SMYD3: variants seen among roughly 807,000 people sequenced by gnomAD.
The protein encoded by SMYD3 is SET and MYND domain containing 3.
A neutral mutation model predicts 57.7 loss-of-function variants in SMYD3; 36 were observed. That is an observed-to-expected ratio of 0.62 (90% CI 0.48 to 0.82). The LOEUF is 0.82. Ranked by LOEUF, SMYD3 falls within the 40% of genes least tolerant of loss-of-function variation. SMYD3 has a pLI of 0.00. For missense variants in SMYD3, 515 were observed against 538.8 expected (o/e 0.96, Z 0.44); for synonymous variants, 211 against 195.0 (o/e 1.08, Z -0.68).
At chr1:246,345,636 G>T (rs1209932078) in intron 2 of SMYD3, among the ~76,000 whole-genome samples, 2 of 152,150 alleles carry the variant, frequency 1.3e-5, no homozygotes, top group Admixed American at 1.3e-4. Flanking sequence ...TGCTCAACTT[G>T]TATTATGATG....
At chr1:245,980,158 CGG>C (rs1558554804) in intron 5 of SMYD3, among the ~76,000 whole-genome samples, 1 of 152,214 alleles carries the variant, frequency 6.6e-6, no homozygotes, top group African/African-American at 2.4e-5. Context: ...GCAACCCAAG[CGG>C]CATGATCTCT....
intron 10 of SMYD3, among the ~76,000 whole-genome samples, chr1:245,766,348 C>T (rs939494167): frequency 1.4e-4 from 21 of 145,050 alleles, no homozygotes; most frequent in African/African-American, 5.2e-4. Flanking sequence ...TGCAGTGAGC[C>T]GAGATTGCAG....
intron 8 of SMYD3, among the ~76,000 whole-genome samples, chr1:245,875,873 C>T (rs1291497530): frequency 6.6e-6 from 1 of 152,188 alleles, no homozygotes; most frequent in Non-Finnish European, 1.5e-5. Context: ...AACTAAAATA[C>T]GCAAGGATTT....
In SMYD3 at chr1:245,822,087, C is replaced by T. The variant is rs538493821; in HGVS notation, c.1076+36409G>A. On this transcript the variant is annotated intron_variant, in intron 10 of 11. Transcript: ENST00000490107. ...ATTATAAATCATGCTGCTATAAAGA[C>T]ACATGCACACGTATGTTTATTGCGG... is the stretch of plus-strand genomic sequence containing the variant. 7.4e-3 allele frequency among the ~76,000 whole-genome samples: 1,128 copies of T among 152,210 alleles called. 8 individuals are homozygous for T. Among genetic ancestry groups the T allele is most frequent in the African/African-American group, 0.025 (1,056 of 41,506 alleles).
chr1:246,056,515 G>A (rs912934474), intron 5 of SMYD3, among the ~76,000 whole-genome samples: 8 of 151,158 alleles, frequency 5.3e-5, no homozygotes, highest in East Asian at 1.9e-4. Context: ...TGTAACCACC[G>A]TGTTTCTAAG....
At chr1:246,317,376 CCAGCTT>C (rs2065179429) in intron 5 of SMYD3, among the ~76,000 whole-genome samples, 1 of 152,260 alleles carries the variant, frequency 6.6e-6, no homozygotes, top group Non-Finnish European at 1.5e-5. Context: ...AAAAAACCTT[CCAGCTT>C]ACAAATGTTA....
chr1:246,116,595 T>C (rs532714569), intron 5 of SMYD3, among the ~76,000 whole-genome samples: 97 of 152,302 alleles, frequency 6.4e-4, no homozygotes, highest in South Asian at 1.0e-3. Flanking sequence ...AAACACCTGA[T>C]AGGTTTTCAG....
intron 10 of SMYD3, among the ~76,000 whole-genome samples, chr1:245,823,343 G>A (rs977373237): frequency 4.7e-5 from 4 of 85,360 alleles, no homozygotes; most frequent in African/African-American, 1.1e-4. Flanking sequence ...GCGCGCTCGT[G>A]CTTGCTCGCT....
chr1:246,294,092 T>A (rs1319683455), intron 5 of SMYD3, among the ~76,000 whole-genome samples: 1 of 152,150 alleles, frequency 6.6e-6, no homozygotes, highest in Non-Finnish European at 1.5e-5. Context: ...CCTTAAATGT[T>A]CCTGTTCCAA....
intron 1 of SMYD3, among the ~76,000 whole-genome samples, chr1:246,503,954 TAAAAAAAAAAA>T (rs55709330): frequency 7.8e-6 from 1 of 128,388 alleles, no homozygotes; most frequent in African/African-American, 3.0e-5. Context: ...AACTCCATCT[TAAAAAAAAAAA>T]AAAAAAAAAA....
intron 5 of SMYD3, among the ~76,000 whole-genome samples, chr1:246,047,892 AGATACCCACGACAG>A (rs2059997803): frequency 1.3e-5 from 2 of 152,206 alleles, no homozygotes; most frequent in African/African-American, 4.8e-5. Flanking sequence ...ATATAAGCAA[AGATACCCACGACAG>A]GAAACCCACA....
At chr1:246,146,382 T>C (rs971404034) in intron 5 of SMYD3, among the ~76,000 whole-genome samples, 1 of 152,200 alleles carries the variant, frequency 6.6e-6, no homozygotes, top group African/African-American at 2.4e-5. Flanking sequence ...AAAATGCTTA[T>C]GGCCTGACCT....
chr1:246,124,675 G>A (rs2148040042), intron 5 of SMYD3, among the ~76,000 whole-genome samples: 1 of 152,366 alleles, frequency 6.6e-6, no homozygotes, highest in South Asian at 2.1e-4. Context: ...CATAAGGCCG[G>A]AGAGGGACAC....
At chr1:245,959,758 TA>T (rs2057952154) in intron 5 of SMYD3, among the ~76,000 whole-genome samples, 1 of 152,204 alleles carries the variant, frequency 6.6e-6, no homozygotes, top group Non-Finnish European at 1.5e-5. Context: ...TCTGTTTTTT[TA>T]GTTCACTGGA....
intron 10 of SMYD3, among the ~76,000 whole-genome samples, chr1:245,805,178 C>T (rs2148259459): frequency 6.6e-6 from 1 of 151,296 alleles, no homozygotes; most frequent in South Asian, 2.1e-4. Context: ...AAAAGTTTAC[C>T]ACATGTGTAG....
intron 1 of SMYD3, among the ~76,000 whole-genome samples, chr1:246,357,297 A>C (rs756792302): frequency 6.6e-6 from 1 of 152,072 alleles, no homozygotes; most frequent in Non-Finnish European, 1.5e-5. Flanking sequence ...AACTCACCAA[A>C]ACCAAGATAG....
chr1:246,140,144 C>T (rs2061729421), intron 5 of SMYD3, among the ~76,000 whole-genome samples: 1 of 152,126 alleles, frequency 6.6e-6, no homozygotes, highest in Admixed American at 6.5e-5. Flanking sequence ...GAAGACTTGC[C>T]AGTAATGGTC....
chr1:245,918,413 G>A (rs1242936125), intron 7 of SMYD3, among the ~76,000 whole-genome samples: 1 of 152,168 alleles, frequency 6.6e-6, no homozygotes. Flanking sequence ...CTTAAGGAGT[G>A]TCCGTAGCAC....
intron 5 of SMYD3, among the ~76,000 whole-genome samples, chr1:246,018,362 A>G (rs894919721): frequency 4.0e-4 from 61 of 152,154 alleles, no homozygotes; most frequent in African/African-American, 1.4e-3. Context: ...GAGTTCAGAC[A>G]CTCAGCTTTG....
Sources: gnomAD v4.1 joint callset for allele counts (sites outside exome capture counted in the v4.1 genomes callset) on GRCh38, gnomAD v4.1.1 for gene constraint, MANE v1.5 for transcripts, NCBI Gene and HGNC (gene_info 2026-07-23, HGNC 2026-07-21) for gene names.